The following SGCZ variants were observed in gnomAD, a reference collection of about 807,000 sequenced individuals.
The protein encoded by SGCZ is sarcoglycan zeta, also known as zeta-sarcoglycan.
A neutral mutation model predicts 41.3 loss-of-function variants in SGCZ; 40 were observed. The observed-to-expected ratio is 0.97, with a 90% CI of 0.75 to 1.26. The LOEUF is 1.26. Ranked by LOEUF, SGCZ falls within the 50% of genes most tolerant of loss-of-function variation. SGCZ has a pLI of 0.00. For missense variants in SGCZ, 552 were observed against 369.8 expected, an observed-to-expected ratio of 1.49 and a Z score of -4.04; for synonymous variants, 206 against 137.5, an observed-to-expected ratio of 1.50 and a Z score of -3.49.
At chr8:14,925,198 A>G (rs958402929) in intron 1 of SGCZ, among the ~76,000 whole-genome samples, 9 of 152,108 alleles carry the variant, frequency 5.9e-5, no homozygotes, top group African/African-American at 9.7e-5. Flanking sequence ...TTAAAAGTCA[A>G]TTTTCTTTTG....
chr8:14,842,726 G>T (rs1412311494), intron 1 of SGCZ, among the ~76,000 whole-genome samples: 1 of 152,144 alleles, frequency 6.6e-6, no homozygotes, highest in African/African-American at 2.4e-5. Flanking sequence ...TGATGAAAAT[G>T]TACTTGAAAA....
At chr8:14,225,256 A>G (rs1806332615) in intron 4 of SGCZ, among the ~76,000 whole-genome samples, 1 of 152,008 alleles carries the variant, frequency 6.6e-6, no homozygotes. Flanking sequence ...TTAATGTTGT[A>G]CCCCCAAAAG....
chr8:14,594,054 G>A (rs1324732018), intron 1 of SGCZ, among the ~76,000 whole-genome samples: 4 of 151,740 alleles, frequency 2.6e-5, no homozygotes, highest in African/African-American at 9.7e-5. Flanking sequence ...ACACGCCTGT[G>A]GACCCCACTA....
Position 14,680,660 on chromosome 8 carries a change from ACATAGATTGTACGGAGCAAGAAATCT to A in SGCZ, c.40-125760_40-125735del, listed in dbSNP as rs1436608675. Among the ~76,000 whole-genome samples, 583 of 152,116 alleles carry A rather than the reference ACATAGATTGTACGGAGCAAGAAATCT, an allele frequency of 3.8e-3. 10 individuals carry two copies. The highest frequency in any genetic ancestry group is 0.013 in the African/African-American group (559 of 41,518). Reference sequence around the variant, plus strand: ...GAAGGCATGAGACTGGTGAGGAGAGACATAGATTGTACGGAGCAAGAAATCTCACAGATATAATTAGTGAAAAAATA... The same window carrying A: ...GAAGGCATGAGACTGGTGAGGAGAGACACAGATATAATTAGTGAAAAAATA... On this transcript the variant is annotated intron_variant, in intron 1 of 7. Transcript: ENST00000382080.
chr8:15,112,125 C>T (rs1033896109), intron 1 of SGCZ, among the ~76,000 whole-genome samples: 1 of 152,128 alleles, frequency 6.6e-6, no homozygotes, highest in African/African-American at 2.4e-5. Flanking sequence ...CTAAAATGTT[C>T]ACATCTATTT....
chr8:14,546,897 C>A (rs1025647968), intron 2 of SGCZ, among the ~76,000 whole-genome samples: 1 of 152,014 alleles, frequency 6.6e-6, no homozygotes, highest in Admixed American at 6.6e-5. Flanking sequence ...ATCAGTGTGA[C>A]CTTGGGAAGT....
Position 14,180,337 on chromosome 8 carries a change from G to T in SGCZ, c.425-15635C>A, listed in dbSNP as rs76866093. Among the ~76,000 whole-genome samples, 88 of 152,226 alleles carry T rather than the reference G, an allele frequency of 5.8e-4. No individual in the cohort carries two copies. In the East Asian group the frequency reaches 0.016, roughly 28 times the overall value. On this transcript the variant is annotated intron_variant, in intron 4 of 7. Transcript: ENST00000382080. ...ATCACTAGTCCTTCAAGCACTGCAGGAAGTGCTTGGACCTATCCACTCTGA... is the reference window on the plus strand; with the variant it reads ...ATCACTAGTCCTTCAAGCACTGCAGTAAGTGCTTGGACCTATCCACTCTGA...
chr8:14,636,728 G>A (rs910017048), intron 1 of SGCZ, among the ~76,000 whole-genome samples: 2 of 151,748 alleles, frequency 1.3e-5, no homozygotes, highest in African/African-American at 4.8e-5. Context: ...AAGTATATGG[G>A]AAGTAACTTA....
chr8:14,326,111 C>CAAGAAAAAAAAAAAAAAAAA (rs1802101454), intron 2 of SGCZ, among the ~76,000 whole-genome samples: 1 of 37,904 alleles, frequency 2.6e-5, no homozygotes, highest in Admixed American at 5.6e-4. Flanking sequence ...GACTCCGTCT[C>CAAGAAAAAAAAAAAAAAAAA]AAAAAAAAAA....
intron 1 of SGCZ, among the ~76,000 whole-genome samples, chr8:14,714,001 C>T (rs1809607729): frequency 6.6e-6 from 1 of 152,126 alleles, no homozygotes; most frequent in African/African-American, 2.4e-5. Flanking sequence ...TGGAGTCTCA[C>T]TCTGTACCCA....
chr8:14,652,127 T>G (rs2117457956), intron 1 of SGCZ, among the ~76,000 whole-genome samples: 1 of 151,740 alleles, frequency 6.6e-6, no homozygotes, highest in South Asian at 2.1e-4. Context: ...GCATGATAAA[T>G]TATGGTAGTG....
At chr8:15,066,330 A>T (rs1805146856) in intron 1 of SGCZ, among the ~76,000 whole-genome samples, 1 of 151,810 alleles carries the variant, frequency 6.6e-6, no homozygotes, top group East Asian at 1.9e-4. Context: ...AAAAAAAAAA[A>T]AAAAGAAGTC....
At chr8:14,872,096 C>T (rs949796389) in intron 1 of SGCZ, among the ~76,000 whole-genome samples, 2 of 151,782 alleles carry the variant, frequency 1.3e-5, no homozygotes, top group African/African-American at 2.4e-5. Flanking sequence ...CATGTTCTCA[C>T]TAATAAGTGG....
chr8:14,222,665 C>T (rs1225819079), intron 4 of SGCZ, among the ~76,000 whole-genome samples: 1 of 151,948 alleles, frequency 6.6e-6, no homozygotes, highest in Non-Finnish European at 1.5e-5. Flanking sequence ...TGAAACTTTA[C>T]TCCATGGACA....
intron 1 of SGCZ, among the ~76,000 whole-genome samples, chr8:15,173,670 T>G (rs1401300538): frequency 6.6e-6 from 1 of 152,214 alleles, no homozygotes; most frequent in African/African-American, 2.4e-5. Context: ...GAACATTCCC[T>G]AATGTCTATG....
chr8:14,173,838 A>G (rs183964846), intron 4 of SGCZ, among the ~76,000 whole-genome samples: 147 of 152,278 alleles, frequency 9.7e-4, no homozygotes, highest in African/African-American at 3.3e-3. Context: ...AAACACTGCC[A>G]TAAAATTCTT....
At chr8:15,160,297 T>C (rs756578840) in intron 1 of SGCZ, among the ~76,000 whole-genome samples, 3 of 152,202 alleles carry the variant, frequency 2.0e-5, no homozygotes, top group Non-Finnish European at 2.9e-5. Flanking sequence ...ATTCATCCAA[T>C]TGACCATATT....
intron 1 of SGCZ, among the ~76,000 whole-genome samples, chr8:14,941,828 T>C (rs1800284201): frequency 6.6e-6 from 1 of 151,570 alleles, no homozygotes; most frequent in Non-Finnish European, 1.5e-5. Flanking sequence ...GTTACATATA[T>C]TGCATGTTAT....
intron 1 of SGCZ, among the ~76,000 whole-genome samples, chr8:15,142,424 G>A (rs888581997): frequency 2.9e-4 from 44 of 152,136 alleles, no homozygotes; most frequent in African/African-American, 1.0e-3. Context: ...CTAAAATTGG[G>A]AGTACCTAGA....
Sources: allele counts gnomAD v4.1 joint callset (sites outside exome capture counted in the v4.1 genomes callset), GRCh38; gene constraint gnomAD v4.1.1; transcripts MANE v1.5; gene names NCBI Gene and HGNC (gene_info 2026-07-23, HGNC 2026-07-21).